The following LRRC4C variants were observed in gnomAD, a reference collection of about 807,000 sequenced individuals.
LRRC4C encodes the protein leucine rich repeat containing 4C, also known as leucine-rich repeat-containing protein 4C.
Under a neutral mutation model 33.6 loss-of-function variants are expected in LRRC4C, and 5 were observed. The ratio of observed to expected loss-of-function variants is 0.15; its 90% confidence interval spans 0.08 to 0.31. The LOEUF (loss-of-function observed/expected upper bound fraction) is 0.31. LRRC4C is among the 10% of genes least tolerant of loss of function. The pLI, the probability that LRRC4C is intolerant of heterozygous loss-of-function variation, is 1.00. For missense variants in LRRC4C, 560 were observed against 796.7 expected (o/e 0.70, Z 3.58); for synonymous variants, 329 against 302.0 (o/e 1.09, Z -0.93).
intron 1 of LRRC4C, among the ~76,000 whole-genome samples, chr11:41,216,367 A>T: frequency 6.6e-6 from 1 of 152,312 alleles, no homozygotes; most frequent in African/African-American, 2.4e-5. Flanking sequence ...ATTGAGATAA[A>T]CAACTTTGAG....
Position 40,115,642 on chromosome 11 carries a change from C to T in LRRC4C, c.651G>A (p.Pro217=), listed in dbSNP as rs370666599. 1.1e-5 allele frequency: 17 copies of T among 1,613,986 alleles called. No homozygotes were observed. Among genetic ancestry groups the T allele is most frequent in the Admixed American group, 8.3e-5 (5 of 59,994 alleles). ...GATCCAGCTCATCTAGTTTTATGAGCGGTGTGAGGTTAGGGATTTCCCGAA... is the reference window on the plus strand; with the variant it reads ...GATCCAGCTCATCTAGTTTTATGAGTGGTGTGAGGTTAGGGATTTCCCGAA... ...CNLREIPNLT[P]LIKLDELDLS... is the part of the protein sequence containing the mutation. Residue 217 remains proline (P), a synonymous_variant, in exon 7 of 7, where the codon CCG becomes CCA. Coordinates refer to ENST00000528697, the MANE Select transcript of LRRC4C (RefSeq NM_001258419.2). This position sits in a 1 kb window ranked among gnomAD's most constrained non-coding sequence, Gnocchi z 6.7.
chr11:40,714,911 T>C (rs899717561), intron 2 of LRRC4C, among the ~76,000 whole-genome samples: 3 of 152,164 alleles, frequency 2.0e-5, no homozygotes, highest in Non-Finnish European at 4.4e-5. Context: ...CCTTCCACTA[T>C]ACACAAAATT....
intron 1 of LRRC4C, among the ~76,000 whole-genome samples, chr11:41,301,403 TG>T (rs1396376343): frequency 2.0e-5 from 3 of 152,160 alleles, no homozygotes; most frequent in Non-Finnish European, 4.4e-5. Flanking sequence ...TTGATGGGGG[TG>T]GGAAAAACCT....
At chr11:41,154,099 A>G (rs572080574) in intron 1 of LRRC4C, among the ~76,000 whole-genome samples, 3 of 152,274 alleles carry the variant, frequency 2.0e-5, no homozygotes, top group Admixed American at 1.3e-4. Context: ...CAGAACTATA[A>G]GAGAATAAAT....
In LRRC4C at chr11:41,249,538, T is replaced by A. The variant is rs577901352; in HGVS notation, c.-496+209893A>T. ...AGAAAACTTACCATGACTTATAGCA[T>A]CCTACCTTTTTGACTGCCTTTGCTT... On this transcript the variant is annotated intron_variant, in intron 1 of 6. Transcript: ENST00000528697. Among the ~76,000 whole-genome samples the A allele has an allele frequency of 3.9e-5, 6 of 152,114 alleles. No individual in the cohort carries two copies. The East Asian group carries it at 1.2e-3, about 29-fold the overall frequency.
At chr11:40,792,796 A>G (rs1337792724) in intron 2 of LRRC4C, among the ~76,000 whole-genome samples, 1 of 152,120 alleles carries the variant, frequency 6.6e-6, no homozygotes, top group African/African-American at 2.4e-5. Flanking sequence ...ACCATGGAAT[A>G]CTGTGCAGCC....
chr11:40,188,958 A>G (rs1392502206), intron 5 of LRRC4C, among the ~76,000 whole-genome samples: 1 of 152,212 alleles, frequency 6.6e-6, no homozygotes, highest in African/African-American at 2.4e-5. Context: ...GGAGGCTTTC[A>G]TTCAATCTCT....
At chr11:41,101,568 C>T (rs117712535) in intron 1 of LRRC4C, among the ~76,000 whole-genome samples, 1,680 of 152,256 alleles carry the variant, frequency 0.011, 22 homozygotes, top group Non-Finnish European at 0.014. Context: ...ATTTGTTCAA[C>T]CATTGTGGTA....
intron 2 of LRRC4C, among the ~76,000 whole-genome samples, chr11:40,927,801 CT>C (rs2136430363): frequency 6.6e-6 from 1 of 152,256 alleles, no homozygotes; most frequent in South Asian, 2.1e-4. Flanking sequence ...TAAGGGCATG[CT>C]TTTGACATAT....
intron 3 of LRRC4C, among the ~76,000 whole-genome samples, chr11:40,607,194 C>A (rs374529943): frequency 6.6e-6 from 1 of 152,114 alleles, no homozygotes; most frequent in Non-Finnish European, 1.5e-5. Flanking sequence ...ACCTGCTTTA[C>A]AATAAATGCT....
intron 1 of LRRC4C, among the ~76,000 whole-genome samples, chr11:41,349,472 CA>C (rs1162359194): frequency 2.0e-5 from 3 of 151,738 alleles, no homozygotes; most frequent in Non-Finnish European, 4.4e-5. Context: ...CAAAACAAAA[CA>C]AAACAAAAAA....
At chr11:40,259,575 A>T (rs1240633335) in intron 4 of LRRC4C, among the ~76,000 whole-genome samples, 1 of 151,914 alleles carries the variant, frequency 6.6e-6, no homozygotes, top group Non-Finnish European at 1.5e-5. Flanking sequence ...ATCCATCTTG[A>T]ATTGATTTTT....
intron 4 of LRRC4C, among the ~76,000 whole-genome samples, chr11:40,309,046 T>C (rs1242993522): frequency 6.6e-6 from 1 of 152,222 alleles, no homozygotes; most frequent in Non-Finnish European, 1.5e-5. Flanking sequence ...AGAGTCACCC[T>C]TAATGGTTTG....
chr11:40,298,284 AAAC>A (rs1269746993), intron 4 of LRRC4C, among the ~76,000 whole-genome samples: 1 of 152,052 alleles, frequency 6.6e-6, no homozygotes, highest in African/African-American at 2.4e-5. Flanking sequence ...TAATAGCTGA[AAAC>A]AACAATCATT....
intron 1 of LRRC4C, among the ~76,000 whole-genome samples, chr11:41,204,065 C>T (rs749293416): frequency 6.6e-6 from 1 of 152,024 alleles, no homozygotes; most frequent in Non-Finnish European, 1.5e-5. Flanking sequence ...AAAATAGGTC[C>T]TCTTGAAATA....
At chr11:40,335,375 C>T (rs1247389731) in intron 3 of LRRC4C, among the ~76,000 whole-genome samples, 2 of 152,190 alleles carry the variant, frequency 1.3e-5, no homozygotes, top group Non-Finnish European at 2.9e-5. Flanking sequence ...TAAGTCCTCT[C>T]TTATTGAGAT....
chr11:41,189,137 G>A (rs993642754), intron 1 of LRRC4C, among the ~76,000 whole-genome samples: 1 of 151,996 alleles, frequency 6.6e-6, no homozygotes, highest in Non-Finnish European at 1.5e-5. Flanking sequence ...CAGCTATCAG[G>A]ATACCACAGT....
intron 5 of LRRC4C, among the ~76,000 whole-genome samples, chr11:40,177,022 G>A (rs1341489972): frequency 7.1e-6 from 1 of 139,882 alleles, no homozygotes; most frequent in Non-Finnish European, 1.5e-5. Context: ...CGCCTCCCAG[G>A]TTCACACCAT....
chr11:40,294,427 C>G (rs1411569174), intron 4 of LRRC4C, among the ~76,000 whole-genome samples: 1 of 152,058 alleles, frequency 6.6e-6, no homozygotes, highest in Non-Finnish European at 1.5e-5. Flanking sequence ...ATCAAATCAC[C>G]ACTAAGATTC....
Sources: allele counts gnomAD v4.1 joint callset (sites outside exome capture counted in the v4.1 genomes callset), GRCh38; gene constraint gnomAD v4.1.1; non-coding constraint Gnocchi (gnomAD v3.1); transcripts MANE v1.5; gene names NCBI Gene and HGNC (gene_info 2026-07-23, HGNC 2026-07-21).